POT1: variants seen among roughly 807,000 people sequenced by gnomAD.
POT1 encodes the protein protection of telomeres protein 1.
A neutral mutation model predicts 78.5 loss-of-function variants in POT1; 47 were observed. That is an observed-to-expected ratio of 0.60 (90% CI 0.47 to 0.76). POT1 has a LOEUF of 0.76. POT1 is among the 30% of genes least tolerant of loss of function. The pLI is 0.00. For missense variants in POT1, 646 were observed against 749.9 expected, an observed-to-expected ratio of 0.86 and a Z score of 1.62; for synonymous variants, 259 against 260.7, an observed-to-expected ratio of 0.99 and a Z score of 0.06.
At chr7:124,905,450 C>T (rs1323377594) in intron 3 of POT1, among the ~76,000 whole-genome samples, 1 of 152,034 alleles carries the variant, frequency 6.6e-6, no homozygotes, top group Non-Finnish European at 1.5e-5. Flanking sequence ...GAAACTGGAT[C>T]CCTTCCTTAC....
chr7:124,876,347 T>G (rs1349038394), intron 6 of POT1, among the ~76,000 whole-genome samples: 2 of 150,278 alleles, frequency 1.3e-5, no homozygotes, highest in Admixed American at 6.6e-5. Flanking sequence ...TTAAAAGGTC[T>G]GGACTCATAT....
intron 2 of POT1, among the ~76,000 whole-genome samples, chr7:124,927,021 A>G (rs1172329180): frequency 6.6e-6 from 1 of 152,136 alleles, no homozygotes; most frequent in Non-Finnish European, 1.5e-5. Context: ...CCCTTACTTT[A>G]CCACAGTGCT....
chr7:124,878,983 TA>T (rs1257764897), intron 6 of POT1, among the ~76,000 whole-genome samples: 3 of 151,972 alleles, frequency 2.0e-5, no homozygotes, highest in Non-Finnish European at 4.4e-5. Flanking sequence ...ATATATTATT[TA>T]AAGTTAAAGA....
rs1314729630 is a variant in POT1 at position 124,829,313 on chromosome 7, A to G, written c.1535T>C (p.Ile512Thr). 2 of 1,599,260 alleles carry G rather than the reference A, an allele frequency of 1.3e-6. No individual in the cohort carries two copies. Among genetic ancestry groups the G allele is most frequent in the Admixed American group, 1.7e-5 (1 of 59,958 alleles). Residue 512 changes from isoleucine (I) to threonine (T), a missense_variant, in exon 16 of 19, where the codon ATA becomes ACA. Physicochemically the swap from Ile to Thr is moderately conservative, Grantham distance 89 (BLOSUM62 -1). This residue lies in a region of POT1 where 394 missense variants were observed against 408.4 expected (regional missense o/e 0.96). Transcript: ENST00000357628. ...GCKQCSSLRS[I>T]QNLNSLVDKT... ...ATCAACCAGGGAATTTAGATTTTGT[A>G]TGGATCTCAAACTAGAACACTGTTT...
chr7:124,871,929 T>C (rs1019696877), intron 6 of POT1, among the ~76,000 whole-genome samples: 2 of 152,092 alleles, frequency 1.3e-5, no homozygotes, highest in Admixed American at 1.3e-4. Flanking sequence ...GCAACATATT[T>C]TTCACTATAG....
intron 9 of POT1, among the ~76,000 whole-genome samples, chr7:124,856,572 ATTAC>A (rs1295545150): frequency 1.3e-5 from 2 of 152,232 alleles, no homozygotes; most frequent in East Asian, 1.9e-4. Flanking sequence ...AGCAGCAGCT[ATTAC>A]TTACTTCATC....
At chr7:124,836,792 C>T (rs1218008071) in intron 14 of POT1, among the ~76,000 whole-genome samples, 1 of 152,146 alleles carries the variant, frequency 6.6e-6, no homozygotes, top group East Asian at 1.9e-4. Flanking sequence ...ATTTGTAAAG[C>T]ACTTAGAGCC....
chr7:124,825,313 A>G lies in POT1; in HGVS notation c.1731T>C (p.Asp577=), dbSNP rs1562972420. 6 of 1,611,430 alleles carry G rather than the reference A, an allele frequency of 3.7e-6. No homozygotes were observed. Among genetic ancestry groups the G allele is most frequent in the Non-Finnish European group, 5.1e-6 (6 of 1,178,734 alleles). The change falls in exon 18 of 19, where the codon GAT becomes GAC. Residue 577 remains aspartate, a synonymous_variant. Coordinates refer to ENST00000357628, the MANE Select transcript of POT1 (RefSeq NM_015450.3). ...QIPASEVLMD[D]DLQKSVDMIM... ...TCATATCCACACTTTTCTGAAGGTC[A>G]TCATCCATCAGAACTTCTGATGCTG...
At position 124,863,618 on chromosome 7, in the gene POT1, G is replaced by A. The variant is rs2116542690; in HGVS notation, c.278C>T (p.Thr93Ile). Residue 93 changes from threonine (T) to isoleucine (I), a missense_variant, in exon 8 of 19, where the codon ACT becomes ATT. By Grantham distance (89) the Thr-to-Ile change is moderately conservative. Transcript: ENST00000357628. ...AAAGCCAGAGCTGGTGATACCCTGA[G>A]TCTCCTTTTTATATACTTGAATCTA... ...RLKIQVYKKE[T>I]QGITSSGFAS... 6.2e-7 allele frequency: 1 copy of A among 1,612,248 alleles called. No individual in the cohort carries two copies. Among genetic ancestry groups the A allele is most frequent in the Non-Finnish European group, 8.5e-7 (1 of 1,179,324 alleles).
intron 8 of POT1, among the ~76,000 whole-genome samples, chr7:124,860,340 T>C (rs1484391315): frequency 1.3e-5 from 2 of 152,168 alleles, no homozygotes; most frequent in African/African-American, 4.8e-5. Context: ...CAAAGTATTT[T>C]ATGGTGACAT....
chr7:124,923,917 A>C (rs1235156064), intron 2 of POT1, among the ~76,000 whole-genome samples: 5 of 151,740 alleles, frequency 3.3e-5, no homozygotes, highest in Admixed American at 3.3e-4. Context: ...AAACAAAAAA[A>C]CTGTAAGCCA....
intron 6 of POT1, among the ~76,000 whole-genome samples, chr7:124,872,164 T>G (rs1795886184): frequency 6.6e-6 from 1 of 152,196 alleles, no homozygotes; most frequent in East Asian, 1.9e-4. Context: ...TGACAGAATT[T>G]CCTTTGTATG....
intron 12 of POT1, among the ~76,000 whole-genome samples, chr7:124,843,426 A>G (rs964179139): frequency 4.6e-5 from 7 of 152,180 alleles, no homozygotes; most frequent in African/African-American, 1.7e-4. Flanking sequence ...TCAGATTAAG[A>G]ATAGGAAGGG....
chr7:124,876,777 C>T (rs1043054898), intron 6 of POT1, among the ~76,000 whole-genome samples: 1 of 152,114 alleles, frequency 6.6e-6, no homozygotes, highest in African/African-American at 2.4e-5. Flanking sequence ...ACAGCAAATA[C>T]ATACTCTGTA....
At chr7:124,917,114 G>A (rs1398882302) in intron 2 of POT1, among the ~76,000 whole-genome samples, 1 of 152,092 alleles carries the variant, frequency 6.6e-6, no homozygotes, top group Non-Finnish European at 1.5e-5. Context: ...TACAGCTAGA[G>A]GCAAAGCAGG....
chr7:124,866,808 T>C (rs1795737436), intron 7 of POT1, among the ~76,000 whole-genome samples: 1 of 152,248 alleles, frequency 6.6e-6, no homozygotes, highest in Admixed American at 6.5e-5. Context: ...TAACGTTTTA[T>C]GGGTCTTCGT....
intron 6 of POT1, among the ~76,000 whole-genome samples, chr7:124,883,080 C>A (rs1022302824): frequency 4.6e-5 from 7 of 151,944 alleles, no homozygotes; most frequent in African/African-American, 1.7e-4. Context: ...TGAATGAGTC[C>A]ATTTCTGAAA....
chr7:124,868,516 T>C (rs1287546499), intron 7 of POT1, among the ~76,000 whole-genome samples: 4 of 151,704 alleles, frequency 2.6e-5, no homozygotes, highest in Admixed American at 1.3e-4. Flanking sequence ...AGATAAGAAA[T>C]AAAAAATTAT....
intron 6 of POT1, among the ~76,000 whole-genome samples, chr7:124,888,578 T>C (rs1796299655): frequency 6.6e-6 from 1 of 152,064 alleles, no homozygotes; most frequent in Admixed American, 6.6e-5. Context: ...AAGGCATAAC[T>C]CATGTAATTG....
Sources: gnomAD v4.1 joint callset for allele counts (sites outside exome capture counted in the v4.1 genomes callset) on GRCh38, gnomAD v4.1.1 for gene constraint, gnomAD v4.1.1 regional missense constraint, MANE v1.5 for transcripts, NCBI Gene and HGNC (gene_info 2026-07-23, HGNC 2026-07-21) for gene names.